The following PKHD1 variants were observed in gnomAD, a reference collection of about 807,000 sequenced individuals.
PKHD1 encodes the protein PKHD1 ciliary IPT domain containing fibrocystin/polyductin, also known as fibrocystin.
Under a neutral mutation model 412.0 loss-of-function variants are expected in PKHD1, and 291 were observed. The observed-to-expected ratio is 0.71, with a 90% CI of 0.64 to 0.78. PKHD1 has a LOEUF of 0.78. Among genes scored for constraint, PKHD1 ranks in the 30% least tolerant of loss-of-function variants. The pLI, the probability that PKHD1 is intolerant of heterozygous loss-of-function variation, is 0.00. For missense variants in PKHD1, 4,825 were observed against 4,950.7 expected, an observed-to-expected ratio of 0.97 and a Z score of 0.76; for synonymous variants, 1,777 against 1,821.5, an observed-to-expected ratio of 0.98 and a Z score of 0.62.
intron 34 of PKHD1, among the ~76,000 whole-genome samples, chr6:52,016,510 C>A (rs1289385532): frequency 2.6e-5 from 4 of 151,722 alleles, no homozygotes; most frequent in African/African-American, 9.7e-5. Context: ...GTGGTATATA[C>A]CTGCAATCCC....
intron 35 of PKHD1, among the ~76,000 whole-genome samples, chr6:51,994,180 G>T (rs1235000509): frequency 1.5e-4 from 22 of 151,216 alleles, no homozygotes; most frequent in African/African-American, 1.5e-4. Flanking sequence ...TTTCGCCCAG[G>T]CCGGAGTGCA....
At chr6:51,928,070 A>T (rs1306100391) in intron 37 of PKHD1, among the ~76,000 whole-genome samples, 1 of 152,176 alleles carries the variant, frequency 6.6e-6, no homozygotes, top group Non-Finnish European at 1.5e-5. Context: ...TAAGCTTGTT[A>T]AACCTCTCAC....
chr6:51,999,393 G>A lies in PKHD1; in HGVS notation c.5751+10916C>T, dbSNP rs182420533. ...TTTTTTCTGAGCTGATTTTCAATTC[G>A]ATGAAGTCCGTTTCCATAACACTTT... On this transcript the variant is annotated intron_variant, in intron 35 of 66. Transcript: ENST00000371117. Among the ~76,000 whole-genome samples, 400 of 152,034 alleles carry A rather than the reference G, an allele frequency of 2.6e-3. 8 individuals carry two copies. The highest frequency in any genetic ancestry group is 6.5e-3 in the South Asian group (31 of 4,804).
chr6:51,725,539 G>C (rs1222409014), intron 60 of PKHD1, among the ~76,000 whole-genome samples: 1 of 152,138 alleles, frequency 6.6e-6, no homozygotes, highest in African/African-American at 2.4e-5. Context: ...AGAAGTATGG[G>C]AGCAAGAAAG....
chr6:51,802,248 C>A (rs1763042914), intron 52 of PKHD1, among the ~76,000 whole-genome samples: 1 of 147,394 alleles, frequency 6.8e-6, no homozygotes, highest in African/African-American at 2.7e-5. Context: ...ACAACAACAA[C>A]AACAATCAAA....
chr6:51,987,166 C>T (rs1225338593), intron 35 of PKHD1, among the ~76,000 whole-genome samples: 1 of 152,198 alleles, frequency 6.6e-6, no homozygotes, highest in Non-Finnish European at 1.5e-5. Flanking sequence ...TCTCAGAGTC[C>T]AGTTGTTTTC....
At chr6:51,769,344 G>A (rs758512284) in intron 55 of PKHD1, among the ~76,000 whole-genome samples, 1 of 151,222 alleles carries the variant, frequency 6.6e-6, no homozygotes, top group African/African-American at 2.4e-5. Flanking sequence ...CTTGTTCTTT[G>A]TTTTATTCTT....
intron 52 of PKHD1, among the ~76,000 whole-genome samples, chr6:51,826,300 A>G (rs1168408507): frequency 2.0e-5 from 3 of 152,120 alleles, no homozygotes; most frequent in Non-Finnish European, 4.4e-5. Flanking sequence ...GAAAAACAGT[A>G]CTCTCCCATT....
chr6:52,034,111 C>T (rs752000712), intron 28 of PKHD1, among the ~76,000 whole-genome samples: 4 of 147,406 alleles, frequency 2.7e-5, no homozygotes, highest in East Asian at 2.0e-4. Flanking sequence ...GCAACAAAAG[C>T]GAAACTCTGT....
Position 51,659,475 on chromosome 6 carries a change from C to T in PKHD1, c.10651G>A (p.Glu3551Lys), listed in dbSNP as rs751593192. 9.3e-6 allele frequency: 15 copies of T among 1,613,514 alleles called. No homozygotes were observed. In the Admixed American group the frequency reaches 2.5e-4, roughly 27 times the overall value. ...ACACCTGAGCGTATTTCAATGGGCT[C>T]CTCTCCTTGTAGGACAACATACAAG... ...NLLYVVLQGEEPIEIRSGVSI... is the reference protein window; with the variant it reads ...NLLYVVLQGEKPIEIRSGVSI... The change falls in exon 61 of 67, where the codon GAG becomes AAG. Residue 3551 changes from glutamate (E) to lysine (K), a missense_variant. Physicochemically the swap from Glu to Lys is moderately conservative, Grantham distance 56. Coordinates refer to ENST00000371117, the MANE Select transcript of PKHD1 (RefSeq NM_138694.4).
rs376114947 is a variant in PKHD1 at position 52,032,963 on chromosome 6, T to C, written c.3364+67A>G. ...AAAATACAATAAATTTCAGAGGACA[T>C]TGATTGCCCTTTTTATAGGACCAAT... On this transcript the variant is annotated intron_variant, in intron 29 of 66. Transcript: ENST00000371117. 145 of 1,369,190 alleles carry C rather than the reference T, an allele frequency of 1.1e-4. No homozygotes were observed. The African/African-American group carries it at 1.6e-3, about 15-fold the overall frequency. The allele number at this position is 1,369,190 out of a possible 1,614,324, so 84.8% of individuals were successfully genotyped here.
chr6:52,030,567 G>T (rs893394234), intron 29 of PKHD1, among the ~76,000 whole-genome samples: 6 of 152,044 alleles, frequency 3.9e-5, no homozygotes, highest in Non-Finnish European at 8.8e-5. Context: ...CATTATTTGG[G>T]TGGTATTTTG....
At chr6:52,052,993 T>G in intron 21 of PKHD1, 83 bp downstream of exon 21, 1 of 1,314,616 alleles carries the variant, frequency 7.6e-7, no homozygotes. Flanking sequence ...TCTCTCCTCA[T>G]TAAAAAAAAC....
intron 53 of PKHD1, among the ~76,000 whole-genome samples, chr6:51,779,204 A>T (rs1791567150): frequency 6.6e-6 from 1 of 152,284 alleles, no homozygotes; most frequent in Admixed American, 6.5e-5. Flanking sequence ...TGTCCATTTT[A>T]AACTCCTTCC....
intron 36 of PKHD1, among the ~76,000 whole-genome samples, chr6:51,952,618 TA>T (rs1445405390): frequency 6.6e-6 from 1 of 152,044 alleles, no homozygotes; most frequent in Non-Finnish European, 1.5e-5. Context: ...TTTAACCAAT[TA>T]AAAATTCTAC....
chr6:51,656,618 C>T (rs1004170483), intron 61 of PKHD1, among the ~76,000 whole-genome samples: 3 of 150,916 alleles, frequency 2.0e-5, no homozygotes, highest in Non-Finnish European at 4.4e-5. Context: ...ATGGCTACTC[C>T]GTTTCTTCCC....
At chr6:51,927,133 A>G (rs1158680302) in intron 37 of PKHD1, among the ~76,000 whole-genome samples, 1 of 152,104 alleles carries the variant, frequency 6.6e-6, no homozygotes, top group Admixed American at 6.6e-5. Flanking sequence ...CTTCCCCTCT[A>G]TTTAATCCTC....
chr6:52,076,048 T>C (rs528433839), intron 6 of PKHD1, among the ~76,000 whole-genome samples: 22 of 152,326 alleles, frequency 1.4e-4, no homozygotes, highest in African/African-American at 5.3e-4. Flanking sequence ...GTCCTCTTTT[T>C]CTTTTCATGT....
chr6:52,026,603 T>C (rs1253502832), intron 31 of PKHD1, among the ~76,000 whole-genome samples: 5 of 152,224 alleles, frequency 3.3e-5, no homozygotes, highest in Admixed American at 2.6e-4. Context: ...TATATGCTAA[T>C]GAAAAATCAA....
Sources: gnomAD v4.1 joint callset for allele counts (sites outside exome capture counted in the v4.1 genomes callset) on GRCh38, gnomAD v4.1.1 for gene constraint, MANE v1.5 for transcripts, NCBI Gene and HGNC (gene_info 2026-07-23, HGNC 2026-07-21) for gene names.